The following ARL8B variants were observed in gnomAD, a reference collection of about 807,000 sequenced individuals.
ARL8B encodes ARF like GTPase 8B, also known as ADP-ribosylation factor-like protein 8B.
A neutral mutation model predicts 30.6 loss-of-function variants in ARL8B; 9 were observed. The ratio of observed to expected loss-of-function variants is 0.29; its 90% CI spans 0.18 to 0.51. ARL8B has a LOEUF of 0.51. ARL8B is among the 20% of genes least tolerant of loss of function. ARL8B has a pLI of 0.97. For synonymous variants in ARL8B, 74 were observed against 76.0 expected, an observed-to-expected ratio of 0.97 and a Z score of 0.14; for missense variants, 130 against 227.2, an observed-to-expected ratio of 0.57 and a Z score of 2.75.
intron 1 of ARL8B, among the ~76,000 whole-genome samples, chr3:5,167,917 G>T (rs147004885): frequency 2.6e-5 from 4 of 152,260 alleles, no homozygotes; most frequent in African/African-American, 7.2e-5. Flanking sequence ...CACAAGCTTT[G>T]AAAAGTGATG....
intron 1 of ARL8B, among the ~76,000 whole-genome samples, chr3:5,166,349 T>C (rs1413793972): frequency 1.9e-5 from 1 of 52,258 alleles, no homozygotes; most frequent in African/African-American, 1.8e-4. Flanking sequence ...GTATCTTTCG[T>C]TTTTTTTTTT....
intron 1 of ARL8B, among the ~76,000 whole-genome samples, chr3:5,149,140 A>G (rs917344095): frequency 2.2e-4 from 33 of 152,314 alleles, no homozygotes; most frequent in African/African-American, 7.7e-4. Flanking sequence ...ACCTCTGAAA[A>G]TGCCCAACCA....
chr3:5,168,315 C>T (rs1352090232), intron 1 of ARL8B, among the ~76,000 whole-genome samples: 1 of 152,226 alleles, frequency 6.6e-6, no homozygotes, highest in Non-Finnish European at 1.5e-5. Context: ...CAGCAACCTG[C>T]CTGTCTCAGC....
chr3:5,122,703 C>A, intron 1 of ARL8B, 115 bp downstream of exon 1: 3 of 1,216,900 alleles, frequency 2.5e-6, no homozygotes, highest in Non-Finnish European at 3.4e-6. Flanking sequence ...TGGCGGGGGG[C>A]GTGCGAAGCT....
intron 1 of ARL8B, among the ~76,000 whole-genome samples, chr3:5,151,905 T>C (rs1039450747): frequency 3.3e-5 from 5 of 152,132 alleles, no homozygotes; most frequent in Admixed American, 6.6e-5. Context: ...TTATAATTTT[T>C]TTGTAGAGAC....
intron 1 of ARL8B, among the ~76,000 whole-genome samples, chr3:5,159,602 C>CAAAAAA (rs71053495): frequency 1.7e-4 from 13 of 77,018 alleles, no homozygotes; most frequent in East Asian, 7.8e-4. Context: ...AACTCCGTCT[C>CAAAAAA]AAAAAAAAAA....
chr3:5,156,735 T>A (rs962131001), intron 1 of ARL8B, among the ~76,000 whole-genome samples: 2 of 152,144 alleles, frequency 1.3e-5, no homozygotes, highest in Non-Finnish European at 2.9e-5. Context: ...ATTTCAGGCA[T>A]GCGCCACCAC....
intron 1 of ARL8B, among the ~76,000 whole-genome samples, chr3:5,160,767 A>G (rs1168149053): frequency 1.3e-5 from 2 of 152,206 alleles, no homozygotes; most frequent in Non-Finnish European, 2.9e-5. Flanking sequence ...GCTGTATTCA[A>G]TTTTCATAGC....
intron 1 of ARL8B, among the ~76,000 whole-genome samples, chr3:5,152,525 G>T (rs1235988860): frequency 1.3e-5 from 2 of 152,114 alleles, no homozygotes; most frequent in Middle Eastern, 3.4e-3. Context: ...TTGCTCTGTT[G>T]CCAGGCTGGA....
chr3:5,135,946 G>A (rs976752857), intron 1 of ARL8B, among the ~76,000 whole-genome samples: 11 of 150,922 alleles, frequency 7.3e-5, no homozygotes, highest in South Asian at 2.1e-4. Context: ...GCTGCCCCGC[G>A]TGGCTAATTT....
At chr3:5,125,290 A>G (rs2054220647) in intron 1 of ARL8B, among the ~76,000 whole-genome samples, 1 of 152,162 alleles carries the variant, frequency 6.6e-6, no homozygotes, top group East Asian at 1.9e-4. Context: ...AATTGGGCGT[A>G]CCTGTTTAAT....
chr3:5,153,160 G>A (rs941304842), intron 1 of ARL8B, among the ~76,000 whole-genome samples: 1 of 152,056 alleles, frequency 6.6e-6, no homozygotes, highest in Non-Finnish European at 1.5e-5. Context: ...CCTTAGCAAC[G>A]TAGAGGCCCC....
intron 1 of ARL8B, among the ~76,000 whole-genome samples, chr3:5,170,129 T>C (rs2054659830): frequency 6.6e-6 from 1 of 152,252 alleles, no homozygotes; most frequent in African/African-American, 2.4e-5. Context: ...TAATAGTTAC[T>C]GTCAGAATAA....
chr3:5,175,024 C>T (rs184160812), intron 6 of ARL8B, among the ~76,000 whole-genome samples: 2 of 151,860 alleles, frequency 1.3e-5, no homozygotes, highest in African/African-American at 2.4e-5. Context: ...TGGTCTTGAA[C>T]TCCTGACCTC....
chr3:5,122,923 C>G (rs2054195836), intron 1 of ARL8B, among the ~76,000 whole-genome samples: 2 of 152,140 alleles, frequency 1.3e-5, no homozygotes, highest in African/African-American at 4.8e-5. Flanking sequence ...TTGGGTTTGC[C>G]CAGTAGGGGC....
In ARL8B at chr3:5,122,374, T is replaced by C; in HGVS notation, c.-92T>C. ...GTCGCGCCGGGGCACCAAGGAGCCG[T>C]TGGAGGGTCCGGGCGGAGGCCCGCT... On this transcript the variant is annotated 5_prime_UTR_variant, in exon 1 of 7. Coordinates refer to ENST00000256496, the MANE Select transcript of ARL8B (RefSeq NM_018184.3). The C allele has an allele frequency of 2.5e-6, 4 of 1,583,398 alleles. No individual in the cohort carries two copies. Among genetic ancestry groups the C allele is most frequent in the Non-Finnish European group, 3.4e-6 (4 of 1,166,566 alleles).
chr3:5,175,358 A>C (rs1216604329), intron 6 of ARL8B, among the ~76,000 whole-genome samples: 1 of 152,198 alleles, frequency 6.6e-6, no homozygotes, highest in Non-Finnish European at 1.5e-5. Flanking sequence ...TGAGGTTAAG[A>C]TTATGTGATA....
intron 1 of ARL8B, among the ~76,000 whole-genome samples, chr3:5,125,657 C>T (rs1034364139): frequency 3.9e-5 from 6 of 151,962 alleles, no homozygotes; most frequent in South Asian, 2.1e-4. Context: ...CTCAGCCTCC[C>T]GAGTAGCTGG....
chr3:5,155,354 T>A (rs549796133), intron 1 of ARL8B, among the ~76,000 whole-genome samples: 1 of 152,344 alleles, frequency 6.6e-6, no homozygotes, highest in African/African-American at 2.4e-5. Context: ...TTTAATAGCA[T>A]GTTTATAATT....
Sources: allele counts gnomAD v4.1 joint callset (sites outside exome capture counted in the v4.1 genomes callset), GRCh38; gene constraint gnomAD v4.1.1; transcripts MANE v1.5; gene names NCBI Gene and HGNC (gene_info 2026-07-23, HGNC 2026-07-21).